B3GALT1: variants seen among roughly 807,000 people sequenced by gnomAD.
B3GALT1 encodes beta-1,3-galactosyltransferase 1, also known as UDP-Gal:betaGlcNAc beta 1,3-galactosyltransferase, polypeptide 1.
B3GALT1 carries 10 observed loss-of-function variants against 23.2 expected under a neutral mutation model. The ratio of observed to expected loss-of-function variants is 0.43; its 90% CI spans 0.27 to 0.73. The LOEUF is 0.73. Among genes scored for constraint, B3GALT1 ranks in the 30% least tolerant of loss-of-function variants. The pLI is 0.21. For missense variants in B3GALT1, 299 were observed against 405.4 expected (o/e 0.74, Z 2.25); for synonymous variants, 156 against 141.5 (o/e 1.10, Z -0.73).
intron 1 of B3GALT1, among the ~76,000 whole-genome samples, chr2:167,473,305 T>C (rs1699444668): frequency 6.6e-6 from 1 of 152,118 alleles, no homozygotes. Context: ...CTTAAGAATG[T>C]ATAGTGTGCC....
intron 1 of B3GALT1, among the ~76,000 whole-genome samples, chr2:167,479,264 G>T (rs747678244): frequency 1.3e-5 from 2 of 152,002 alleles, no homozygotes; most frequent in Non-Finnish European, 2.9e-5. Context: ...CCAACAAAAT[G>T]TTCAGTAATA....
chr2:167,460,906 C>G (rs75297517), intron 1 of B3GALT1, among the ~76,000 whole-genome samples: 1 of 152,240 alleles, frequency 6.6e-6, no homozygotes, highest in African/African-American at 2.4e-5. Flanking sequence ...CAATTGCTTT[C>G]TAATTTTCCC....
chr2:167,576,210 C>G (rs1684380320), intron 2 of B3GALT1, among the ~76,000 whole-genome samples: 1 of 151,736 alleles, frequency 6.6e-6, no homozygotes, highest in South Asian at 2.1e-4. Flanking sequence ...CTGTAAAATA[C>G]TTCCCTTTTC....
chr2:167,678,739 C>T (rs370349932), intron 3 of B3GALT1, among the ~76,000 whole-genome samples: 2 of 152,182 alleles, frequency 1.3e-5, no homozygotes, highest in East Asian at 1.9e-4. Context: ...AGTATAGCAG[C>T]TTGCAGCTCA....
rs552133094 is a variant in B3GALT1 at position 167,305,662 on chromosome 2, G to A, written c.-511+12328G>A. Among the ~76,000 whole-genome samples, 67 of 152,154 alleles carry A rather than the reference G, an allele frequency of 4.4e-4. 1 individual carries two copies. Among genetic ancestry groups the A allele is most frequent in the African/African-American group, 1.6e-3 (66 of 41,548 alleles). On this transcript the variant is annotated intron_variant, in intron 1 of 4. Transcript: ENST00000392690. ...TACCTGGTTTCATGGCATTTGTCTA[G>A]AGGCCCCTACCCAGGTTTGCACTTA...
At chr2:167,812,960 TAC>T (rs376818432) in intron 3 of B3GALT1, among the ~76,000 whole-genome samples, 27 of 139,836 alleles carry the variant, frequency 1.9e-4, no homozygotes, top group African/African-American at 3.7e-4. Context: ...CATACATGCA[TAC>T]ACACACACAC....
chr2:167,712,123 A>ATCCC (rs1687072349), intron 3 of B3GALT1, among the ~76,000 whole-genome samples: 1 of 151,978 alleles, frequency 6.6e-6, no homozygotes, highest in South Asian at 2.1e-4. Flanking sequence ...CTCTTTCTGA[A>ATCCC]TGGTTATGTG....
intron 3 of B3GALT1, among the ~76,000 whole-genome samples, chr2:167,792,604 G>A (rs962010938): frequency 4.6e-5 from 7 of 152,150 alleles, no homozygotes; most frequent in African/African-American, 1.7e-4. Flanking sequence ...AACTTGGCAG[G>A]AACCAGATGG....
At position 167,785,036 on chromosome 2, in the gene B3GALT1, A is replaced by G. The variant is rs74987559; in HGVS notation, c.-351-33636A>G. ...CTCATCTGCCGTGTACATCTGACCT[A>G]TACCACAGGATCAACACAAATTGGT... On this transcript the variant is annotated intron_variant, in intron 3 of 4. Coordinates refer to ENST00000392690, the MANE Select transcript of B3GALT1 (RefSeq NM_020981.4). Among the ~76,000 whole-genome samples the G allele has an allele frequency of 6.1e-3, 929 of 152,294 alleles. 9 individuals are homozygous for G. The highest frequency in any genetic ancestry group is 0.021 in the African/African-American group (882 of 41,548).
chr2:167,383,509 G>A (rs1000524277), intron 1 of B3GALT1, among the ~76,000 whole-genome samples: 2 of 152,054 alleles, frequency 1.3e-5, no homozygotes, highest in Admixed American at 6.6e-5. Context: ...CTAGAGCCTA[G>A]ATTTGGAACT....
chr2:167,461,680 A>G (rs763261124), intron 1 of B3GALT1, among the ~76,000 whole-genome samples: 1 of 152,174 alleles, frequency 6.6e-6, no homozygotes, highest in Admixed American at 6.5e-5. Flanking sequence ...TGTAAAATGT[A>G]ATTTCCTTGA....
intron 2 of B3GALT1, among the ~76,000 whole-genome samples, chr2:167,519,039 T>G (rs893330676): frequency 5.9e-5 from 9 of 152,168 alleles, no homozygotes; most frequent in African/African-American, 1.9e-4. Flanking sequence ...ATGGCAAAGC[T>G]GGCTTCACTT....
chr2:167,518,725 A>G (rs534085495), intron 2 of B3GALT1, among the ~76,000 whole-genome samples: 5 of 152,192 alleles, frequency 3.3e-5, no homozygotes, highest in African/African-American at 7.2e-5. Flanking sequence ...TAGAACTTCA[A>G]TGTGTGCCAA....
chr2:167,632,286 T>G (rs1314572242), intron 2 of B3GALT1, among the ~76,000 whole-genome samples: 1 of 152,136 alleles, frequency 6.6e-6, no homozygotes, highest in African/African-American at 2.4e-5. Flanking sequence ...ATAGAATGAT[T>G]TATAATCCTT....
intron 1 of B3GALT1, among the ~76,000 whole-genome samples, chr2:167,415,477 C>T (rs1698454783): frequency 6.6e-6 from 1 of 152,010 alleles, no homozygotes; most frequent in Non-Finnish European, 1.5e-5. Flanking sequence ...GGAAAATGAG[C>T]CAAGAAAATT....
At chr2:167,469,790 TTTAA>T (rs1050506386) in intron 1 of B3GALT1, among the ~76,000 whole-genome samples, 11 of 152,104 alleles carry the variant, frequency 7.2e-5, no homozygotes, top group African/African-American at 2.4e-4. Context: ...TAACATGTGA[TTTAA>T]TTAATACATA....
At chr2:167,371,838 A>G (rs1256225284) in intron 1 of B3GALT1, among the ~76,000 whole-genome samples, 1 of 151,942 alleles carries the variant, frequency 6.6e-6, no homozygotes. Context: ...GCAATTATAA[A>G]ATTTTAATCA....
chr2:167,628,658 C>T (rs1685387812), intron 2 of B3GALT1, among the ~76,000 whole-genome samples: 1 of 151,806 alleles, frequency 6.6e-6, no homozygotes, highest in Admixed American at 6.6e-5. Flanking sequence ...CTCAAATTCT[C>T]TTGTGTCTCT....
intron 3 of B3GALT1, among the ~76,000 whole-genome samples, chr2:167,789,663 A>G (rs2105327796): frequency 6.6e-6 from 1 of 152,268 alleles, no homozygotes; most frequent in East Asian, 1.9e-4. Flanking sequence ...AATACCCAAT[A>G]CCAAAAAAAG....
Sources: allele counts gnomAD v4.1 joint callset (sites outside exome capture counted in the v4.1 genomes callset), GRCh38; gene constraint gnomAD v4.1.1; transcripts MANE v1.5; gene names NCBI Gene and HGNC (gene_info 2026-07-23, HGNC 2026-07-21).